The following MGST1 variants were observed in gnomAD, a reference collection of about 807,000 sequenced individuals.
MGST1 encodes the protein glutathione S-transferase 12.
In MGST1, 5 loss-of-function variants were observed where a neutral mutation model predicts 8.9. That is an observed-to-expected ratio of 0.56 (90% confidence interval 0.29 to 1.19). The LOEUF (loss-of-function observed/expected upper bound fraction) is 1.19, where lower values mean the gene tolerates loss of function less well. Among genes scored for constraint, MGST1 ranks in the 50% most tolerant of loss-of-function variants. The probability of loss-of-function intolerance (pLI) is 0.08; values close to 1 mark genes in which losing one functional copy is unlikely to be tolerated. For synonymous variants in MGST1, 54 were observed against 67.8 expected, an observed-to-expected ratio of 0.80 and a Z score of 1.00; for missense variants, 182 against 187.4, an observed-to-expected ratio of 0.97 and a Z score of 0.17.
At chr12:16,462,573 A>G (rs1941228920) in intron 4 of MGST1, among the ~76,000 whole-genome samples, 1 of 152,102 alleles carries the variant, frequency 6.6e-6, no homozygotes, top group Non-Finnish European at 1.5e-5. Context: ...ACTAGGAAAA[A>G]CCTTTGTTGA....
At chr12:16,400,672 G>A in intron 1 of MGST1, 2 of 1,497,932 alleles carry the variant, frequency 1.3e-6, no homozygotes, top group Non-Finnish European at 1.9e-6. Context: ...GAAAGATGTT[G>A]CCTTCATTCC....
Position 16,558,063 on chromosome 12 carries a change from A to ATCTT in MGST1, n.483-31464_483-31461dup, listed in dbSNP as rs566629072. ...AGCTGAACTCAGAAAAGCTTAAAAT[A>ATCTT]TCTTAAAAGAATTTTTAATGGCAGG... On this transcript the variant is annotated intron_variant and non_coding_transcript_variant, in intron 4 of 4. Transcript: ENST00000538857. Among the ~76,000 whole-genome samples, 57 of 152,244 alleles carry ATCTT rather than the reference A, an allele frequency of 3.7e-4. 2 individuals carry two copies. In the South Asian group the frequency reaches 7.7e-3, roughly 20 times the overall value.
At chr12:16,492,992 T>G (rs186418239) in intron 4 of MGST1, among the ~76,000 whole-genome samples, 5 of 152,286 alleles carry the variant, frequency 3.3e-5, no homozygotes, top group African/African-American at 1.2e-4. Context: ...GCCATTACCC[T>G]AGGCACAGTA....
At chr12:16,425,722 G>A (rs1940879716) in intron 1 of MGST1, among the ~76,000 whole-genome samples, 1 of 152,146 alleles carries the variant, frequency 6.6e-6, no homozygotes, top group Non-Finnish European at 1.5e-5. Flanking sequence ...GAATCTCAGA[G>A]CTCCCCTGTT....
downstream of MGST1, among the ~76,000 whole-genome samples, chr12:16,368,085 T>C (rs1940225663): frequency 6.6e-6 from 1 of 152,138 alleles, no homozygotes; most frequent in Non-Finnish European, 1.5e-5. Flanking sequence ...CAATCTCTGA[T>C]CCCTAGTTAT....
intron 4 of MGST1, chr12:16,514,425 C>G (rs767685148): frequency 7.1e-6 from 2 of 280,928 alleles, no homozygotes; most frequent in Non-Finnish European, 1.4e-5. Context: ...CAAGGCCCAT[C>G]GCATCATTAG....
chr12:16,484,085 C>G (rs1941382969), intron 4 of MGST1, among the ~76,000 whole-genome samples: 1 of 152,172 alleles, frequency 6.6e-6, no homozygotes. Flanking sequence ...AAAATATCCT[C>G]AAAGCAAAAA....
intron 4 of MGST1, among the ~76,000 whole-genome samples, chr12:16,578,645 C>G (rs1943066232): frequency 6.6e-6 from 1 of 152,036 alleles, no homozygotes; most frequent in Non-Finnish European, 1.5e-5. Context: ...TGGTGAAGCC[C>G]CATGTCTACT....
chr12:16,514,102 C>T (rs976962445), intron 4 of MGST1: 60 of 377,254 alleles, frequency 1.6e-4, no homozygotes, highest in South Asian at 1.3e-3. Flanking sequence ...AATCTCTTTG[C>T]ACTCTTCGAC....
intron 2 of MGST1, 92 bp downstream of exon 2, chr12:16,354,470 G>A: frequency 7.8e-6 from 10 of 1,281,646 alleles, no homozygotes; most frequent in Non-Finnish European, 1.1e-5. Context: ...TTTTGGTAAA[G>A]CCCAATAGCA....
chr12:16,502,445 T>C (rs1265729946), intron 4 of MGST1, among the ~76,000 whole-genome samples: 1 of 152,164 alleles, frequency 6.6e-6, no homozygotes, highest in East Asian at 1.9e-4. Flanking sequence ...AAATTTTTAG[T>C]TTACCATTTA....
In MGST1 at chr12:16,532,373, A is replaced by G. The variant is rs1049312113; in HGVS notation, n.483-57155A>G. The stretch of plus-strand genomic sequence containing the variant: ...TCTCTGTCAAAGAAATTGAACTAAA[A>G]TGGTTGCTGGGAGTTAAAAAAATTA... On this transcript the variant is annotated intron_variant and non_coding_transcript_variant, in intron 4 of 4. Transcript: ENST00000538857. 2.6e-5 allele frequency among the ~76,000 whole-genome samples: 4 copies of G among 152,114 alleles called. 1 individual carries two copies. The South Asian group carries it at 6.2e-4, about 24-fold the overall frequency.
chr12:16,529,862 T>C (rs2137199035), intron 4 of MGST1, among the ~76,000 whole-genome samples: 1 of 152,206 alleles, frequency 6.6e-6, no homozygotes, highest in South Asian at 2.1e-4. Flanking sequence ...CAAATAAATA[T>C]AATTTTCTCC....
chr12:16,423,545 A>C (rs1223115013), intron 1 of MGST1, among the ~76,000 whole-genome samples: 2 of 20,988 alleles, frequency 9.5e-5, no homozygotes, highest in Non-Finnish European at 1.9e-4. Flanking sequence ...GTTGTCCCTA[A>C]CCTATGTACA....
rs994517385 is a variant in MGST1 at position 16,586,551 on chromosome 12, C to T, written n.483-2977C>T. ...TATAATATTGTCAGATTCAGGCCAA[C>T]TGAATTCTGGAGGACATATGCAAAG... On this transcript the variant is annotated intron_variant and non_coding_transcript_variant, in intron 4 of 4. Coordinates refer to the MGST1 transcript ENST00000538857. This position sits in a 1 kb window ranked among gnomAD's most constrained non-coding sequence, Gnocchi z 4.3. Among the ~76,000 whole-genome samples, 2 of 152,154 alleles carry T rather than the reference C, an allele frequency of 1.3e-5. No homozygotes were observed. The highest frequency in any genetic ancestry group is 2.9e-5 in the Non-Finnish European group (2 of 68,032).
chr12:16,406,029 C>T (rs1940695643), intron 1 of MGST1, among the ~76,000 whole-genome samples: 2 of 152,156 alleles, frequency 1.3e-5, no homozygotes, highest in South Asian at 4.1e-4. Context: ...TCACCACTCC[C>T]TATGTTACAT....
At chr12:16,532,433 GGAAA>G (rs1941728937) in intron 4 of MGST1, among the ~76,000 whole-genome samples, 1 of 152,078 alleles carries the variant, frequency 6.6e-6, no homozygotes, top group Non-Finnish European at 1.5e-5. Flanking sequence ...ATTGGACTAA[GGAAA>G]GAATCTGTGA....
At chr12:16,509,456 A>T (rs772215709) in intron 4 of MGST1, among the ~76,000 whole-genome samples, 4 of 152,188 alleles carry the variant, frequency 2.6e-5, no homozygotes, top group Non-Finnish European at 4.4e-5. Flanking sequence ...ATTCAGCTAC[A>T]AGAAGAGTTT....
At chr12:16,502,565 CAG>C in intron 4 of MGST1, among the ~76,000 whole-genome samples, 1 of 152,220 alleles carries the variant, frequency 6.6e-6, no homozygotes, top group South Asian at 2.1e-4. Flanking sequence ...CAACTAAAAA[CAG>C]TGGCTGATAA....
Sources: gnomAD v4.1 joint callset for allele counts (sites outside exome capture counted in the v4.1 genomes callset) on GRCh38, gnomAD v4.1.1 for gene constraint, Gnocchi (gnomAD v3.1) non-coding constraint, MANE v1.5 for transcripts, NCBI Gene and HGNC (gene_info 2026-07-23, HGNC 2026-07-21) for gene names.